Variants in MIPOL1 observed in about 807,000 individuals in gnomAD.
The protein encoded by MIPOL1 is mirror-image polydactyly gene 1 protein.
A neutral mutation model predicts 60.9 loss-of-function variants in MIPOL1; 57 were observed. The observed-to-expected ratio is 0.94, with a 90% CI of 0.76 to 1.17. The LOEUF (loss-of-function observed/expected upper bound fraction) is 1.17, where lower values mean the gene tolerates loss of function less well. Ranked by LOEUF, MIPOL1 falls within the 50% of genes most tolerant of loss-of-function variation. MIPOL1 has a pLI of 0.00. For missense variants in MIPOL1, 551 were observed against 511.6 expected (o/e 1.08, Z -0.74); for synonymous variants, 179 against 168.8 (o/e 1.06, Z -0.47).
At chr14:37,323,347 G>T (rs554462405) in intron 9 of MIPOL1, among the ~76,000 whole-genome samples, 192 of 152,026 alleles carry the variant, frequency 1.3e-3, no homozygotes, top group African/African-American at 4.6e-3. Context: ...ATATGTTTTG[G>T]TACCAGTACC....
chr14:37,396,402 T>C (rs916243067), intron 10 of MIPOL1, among the ~76,000 whole-genome samples: 20 of 152,150 alleles, frequency 1.3e-4, no homozygotes, highest in Admixed American at 5.2e-4. Context: ...TCACAGCTCT[T>C]AAGGTTCTTT....
chr14:37,211,038 A>G (rs1312948426), intron 1 of MIPOL1, among the ~76,000 whole-genome samples: 1 of 152,206 alleles, frequency 6.6e-6, no homozygotes, highest in Admixed American at 6.5e-5. Flanking sequence ...GAGAAGCTAG[A>G]AGCAAGATGG....
At chr14:37,238,821 G>C (rs908674245) in intron 1 of MIPOL1, among the ~76,000 whole-genome samples, 1 of 151,498 alleles carries the variant, frequency 6.6e-6, no homozygotes, top group Non-Finnish European at 1.5e-5. Flanking sequence ...GGGTGTGACG[G>C]CTCATACCAG....
At chr14:37,319,246 G>A (rs188377856) in intron 9 of MIPOL1, among the ~76,000 whole-genome samples, 1 of 152,100 alleles carries the variant, frequency 6.6e-6, no homozygotes, top group Admixed American at 6.6e-5. Flanking sequence ...GTACATCCAT[G>A]TTTCTTTCTT....
intron 10 of MIPOL1, among the ~76,000 whole-genome samples, chr14:37,380,039 T>C (rs2092884224): frequency 6.6e-6 from 1 of 152,010 alleles, no homozygotes; most frequent in Non-Finnish European, 1.5e-5. Flanking sequence ...TAATTTGGAA[T>C]TGGGATACTG....
At chr14:37,297,009 G>T (rs1594976643) in intron 7 of MIPOL1, among the ~76,000 whole-genome samples, 1 of 152,170 alleles carries the variant, frequency 6.6e-6, no homozygotes, top group East Asian at 1.9e-4. Context: ...CAAAAAAAGA[G>T]AATTTTAGAC....
At chr14:37,272,135 T>G (rs1287708182) in intron 6 of MIPOL1, among the ~76,000 whole-genome samples, 1 of 151,560 alleles carries the variant, frequency 6.6e-6, no homozygotes, top group African/African-American at 2.4e-5. Context: ...TAAAAGATGT[T>G]TAATAAAATA....
At chr14:37,313,501 A>G (rs765085915) in intron 9 of MIPOL1, among the ~76,000 whole-genome samples, 4 of 152,100 alleles carry the variant, frequency 2.6e-5, no homozygotes, top group Non-Finnish European at 5.9e-5. Context: ...GCTGGTACCT[A>G]AGTGAGGGGC....
intron 11 of MIPOL1, among the ~76,000 whole-genome samples, chr14:37,443,500 G>A (rs2094284124): frequency 1.4e-5 from 2 of 147,924 alleles, no homozygotes; most frequent in Non-Finnish European, 3.0e-5. Flanking sequence ...GGAAGAGGAG[G>A]AGGAATTGAA....
chr14:37,432,456 TATA>T (rs773490255), intron 11 of MIPOL1, among the ~76,000 whole-genome samples: 66 of 152,346 alleles, frequency 4.3e-4, no homozygotes, highest in Non-Finnish European at 9.0e-4. Flanking sequence ...GTGCATTGCA[TATA>T]ATAAGAACTC....
intron 11 of MIPOL1, among the ~76,000 whole-genome samples, chr14:37,432,813 A>G (rs373002991): frequency 6.6e-6 from 1 of 152,346 alleles, no homozygotes; most frequent in South Asian, 2.1e-4. Context: ...ATCATTGGAA[A>G]AAATATATTA....
At chr14:37,296,436 G>C (rs1393590447) in intron 7 of MIPOL1, among the ~76,000 whole-genome samples, 1 of 152,032 alleles carries the variant, frequency 6.6e-6, no homozygotes, top group Non-Finnish European at 1.5e-5. Flanking sequence ...CTAGCATAAG[G>C]CAAGAAATAA....
chr14:37,245,237 T>A (rs905723761), intron 1 of MIPOL1, among the ~76,000 whole-genome samples: 4 of 152,174 alleles, frequency 2.6e-5, no homozygotes, highest in Non-Finnish European at 5.9e-5. Flanking sequence ...TATGAAAATC[T>A]TGTGTTAGCA....
intron 11 of MIPOL1, among the ~76,000 whole-genome samples, chr14:37,472,670 TA>T (rs2094705435): frequency 6.6e-6 from 1 of 152,182 alleles, no homozygotes; most frequent in Non-Finnish European, 1.5e-5. Context: ...GAGAACATCT[TA>T]TTTTTTTTTG....
chr14:37,347,205 A>G (rs1482845724), intron 9 of MIPOL1, among the ~76,000 whole-genome samples: 1 of 152,242 alleles, frequency 6.6e-6, no homozygotes, highest in African/African-American at 2.4e-5. Context: ...ACAAAGTGAG[A>G]TAACAGCAAA....
intron 7 of MIPOL1, among the ~76,000 whole-genome samples, chr14:37,294,400 G>A (rs1296818373): frequency 2.0e-5 from 3 of 152,100 alleles, no homozygotes; most frequent in East Asian, 3.9e-4. Context: ...AAATCAGAGC[G>A]CCTCTCCTCC....
At position 37,548,508 on chromosome 14, in the gene MIPOL1, AGACC is replaced by A. The variant is rs1348189528; in HGVS notation, c.*1538_*1541del. The stretch of plus-strand genomic sequence containing the variant: ...CCTAAAGAGAATTATATCCTCTCAT[AGACC>A]AATGACTCTATAATAGAGAAATATG... On this transcript the variant is annotated 3_prime_UTR_variant, in exon 13 of 13. Transcript: ENST00000684589. 2 of 152,044 alleles carry A rather than the reference AGACC, an allele frequency of 1.3e-5. No homozygotes were observed. The highest frequency in any genetic ancestry group is 2.9e-5 in the Non-Finnish European group (2 of 67,882). The allele number at this position is 152,044 out of a possible 1,614,324, so 9.4% of individuals were successfully genotyped here.
At chr14:37,240,233 C>A (rs537147732) in intron 1 of MIPOL1, among the ~76,000 whole-genome samples, 2 of 152,000 alleles carry the variant, frequency 1.3e-5, no homozygotes, top group Non-Finnish European at 2.9e-5. Flanking sequence ...TATGGAAAAT[C>A]GCTAAATGGT....
chr14:37,354,282 T>C (rs368328053), intron 9 of MIPOL1, among the ~76,000 whole-genome samples: 4 of 148,804 alleles, frequency 2.7e-5, no homozygotes, highest in South Asian at 2.2e-4. Context: ...TAGTTTGTTA[T>C]AATTTCTGTT....
Sources: allele counts gnomAD v4.1 joint callset (sites outside exome capture counted in the v4.1 genomes callset), GRCh38; gene constraint gnomAD v4.1.1; transcripts MANE v1.5; gene names NCBI Gene and HGNC (gene_info 2026-07-23, HGNC 2026-07-21).